Variants in SULT2A1 observed in about 807,000 individuals in gnomAD.
SULT2A1 encodes sulfotransferase family 2A member 1, also known as sulfotransferase 2A1.
In SULT2A1, 43 loss-of-function variants were observed where a neutral mutation model predicts 33.9. The ratio of observed to expected loss-of-function variants is 1.27; its 90% CI spans 1.00 to 1.64. The LOEUF is 1.64. SULT2A1 is among the 40% of genes most tolerant of loss of function. SULT2A1 has a pLI of 0.00. For missense variants in SULT2A1, 300 were observed against 335.1 expected (o/e 0.90, Z 0.82); for synonymous variants, 125 against 113.6 (o/e 1.10, Z -0.64).
rs377180978 is a variant in SULT2A1, at chr19:47,874,754, C to G, written c.648G>C (p.Lys216Asn). 3 of 1,614,038 alleles carry G rather than the reference C, an allele frequency of 1.9e-6. No homozygotes were observed. In the African/African-American group the frequency reaches 4.0e-5, roughly 22 times the overall value. The stretch of plus-strand genomic sequence containing the variant: ...CTTTCATGCTCTGAAAGGAGCTGTT[C>G]TTGAGAATTAAGTTCAGTTCTTCGG... ...LEPEELNLIL[K>N]NSSFQSMKEN... The change falls in exon 5 of 6, where the codon AAG (lysine) becomes AAC (asparagine). Residue 216 changes from lysine (K) to asparagine (N), a missense_variant. Lys to Asn is a moderately conservative substitution (Grantham distance 94). Transcript: ENST00000222002.
chr19:47,873,782 C>T (rs994302012), intron 5 of SULT2A1, among the ~76,000 whole-genome samples: 2 of 151,814 alleles, frequency 1.3e-5, no homozygotes, highest in Non-Finnish European at 2.9e-5. Flanking sequence ...CGCCACCATG[C>T]CCGGCTAATT....
At chr19:47,873,800 T>C (rs1193549957) in intron 5 of SULT2A1, among the ~76,000 whole-genome samples, 1 of 151,706 alleles carries the variant, frequency 6.6e-6, no homozygotes, top group Non-Finnish European at 1.5e-5. Flanking sequence ...ATTTTTTGTA[T>C]TTTTAGTGGA....
At chr19:47,884,804 CTTTTT>C (rs71181611) in intron 1 of SULT2A1, among the ~76,000 whole-genome samples, 12 of 64,034 alleles carry the variant, frequency 1.9e-4, no homozygotes, top group African/African-American at 6.1e-4. Flanking sequence ...CTCTCAACCA[CTTTTT>C]TTTTTTTTTT....
Position 47,882,104 on chromosome 19 carries a change from T to C in SULT2A1, c.452A>G (p.Glu151Gly). 1 of 1,613,748 alleles carries C rather than the reference T, an allele frequency of 6.2e-7. No homozygotes were observed. The highest frequency in any genetic ancestry group is 8.5e-7 in the Non-Finnish European group (1 of 1,179,916). ...CTCACCAGTTCCTTGACAAAACCAT[T>C]CAAAATATTCTTCCCATGACTTTGG... ...KKPKSWEEYF[E>G]WFCQGTVLYG... Residue 151 changes from glutamate to glycine, a missense_variant, in exon 3 of 6, where the codon GAA becomes GGA. By Grantham distance (98) the Glu-to-Gly change is moderately conservative. Coordinates refer to ENST00000222002, the MANE Select transcript of SULT2A1 (RefSeq NM_003167.4).
intron 4 of SULT2A1, among the ~76,000 whole-genome samples, chr19:47,877,213 TATGTGAGATATC>T (rs138641910): frequency 0.23 from 35,486 of 151,594 alleles, 4,365 homozygotes; most frequent in Non-Finnish European, 0.27. Context: ...TTTTCTCTTT[TATGTGAGATATC>T]ACTAATAGGT....
chr19:47,883,909 T>C, intron 1 of SULT2A1, 124 bp from the exon 2 acceptor site: 1 of 837,964 alleles, frequency 1.2e-6, no homozygotes, highest in Non-Finnish European at 1.8e-6. Context: ...GGTTCCAGAA[T>C]AGCCTGGCCA....
chr19:47,872,378 C>T (rs1968501175), intron 5 of SULT2A1, among the ~76,000 whole-genome samples: 1 of 152,086 alleles, frequency 6.6e-6, no homozygotes, highest in South Asian at 2.1e-4. Context: ...GTGATCCAGC[C>T]CCTGTGGCTT....
intron 3 of SULT2A1, among the ~76,000 whole-genome samples, chr19:47,881,202 A>G (rs1600038152): frequency 6.7e-6 from 1 of 150,338 alleles, no homozygotes; most frequent in East Asian, 2.0e-4. Flanking sequence ...CGGCCAGCTA[A>G]TTTTTCTGTA....
chr19:47,878,917 C>A, intron 4 of SULT2A1, 119 bp downstream of exon 4: 1 of 743,530 alleles, frequency 1.3e-6, no homozygotes. Context: ...TGTGACTCTT[C>A]ACCAGGCTCC....
At chr19:47,875,649 A>G (rs1286560072) in intron 4 of SULT2A1, among the ~76,000 whole-genome samples, 1 of 152,114 alleles carries the variant, frequency 6.6e-6, no homozygotes, top group African/African-American at 2.4e-5. Flanking sequence ...AAAACAAAAC[A>G]AAGCAAAACA....
At chr19:47,883,816 T>C in intron 1 of SULT2A1, 31 bp from the exon 2 acceptor site, 1 of 1,603,000 alleles carries the variant, frequency 6.2e-7, no homozygotes, top group Non-Finnish European at 8.5e-7. Flanking sequence ...ATATATAAAA[T>C]GTACCATCTC....
In SULT2A1 at chr19:47,871,552, C is replaced by T. The variant is rs1186426230; in HGVS notation, c.761G>A (p.Trp254Ter). ...QLLRKGVSGD[W>*]KNHFTVAQAE... ...TTGGGCCACTGTGAAGTGATTTTTCCAGTCCCCAGATACACCTGGAAACAA... is the reference window on the plus strand; with the variant it reads ...TTGGGCCACTGTGAAGTGATTTTTCTAGTCCCCAGATACACCTGGAAACAA... Residue 254 changes from tryptophan (W) to a stop codon, truncating the protein, a stop_gained, in exon 6 of 6, where the codon TGG becomes TAG. Transcript: ENST00000222002. LOFTEE classifies it low-confidence loss of function (END_TRUNC). The T allele has an allele frequency of 6.2e-7, 1 of 1,613,684 alleles. No individual in the cohort carries two copies. Among genetic ancestry groups the T allele is most frequent in the African/African-American group, 1.3e-5 (1 of 74,862 alleles).
In SULT2A1 at chr19:47,871,382, C is replaced by T; in HGVS notation, c.*73G>A. 1 of 1,093,408 alleles carries T rather than the reference C, an allele frequency of 9.1e-7. No homozygotes were observed. The highest frequency in any genetic ancestry group is 2.4e-5 in the East Asian group (1 of 42,372). The allele number at this position is 1,093,408 out of a possible 1,614,324, so 67.7% of individuals were successfully genotyped here. Reference sequence around the variant, plus strand: ...AAAATAATAAGTCTTACACAATGACCCCAGTCAGGTACATGTACAAGGACA... The same window carrying T: ...AAAATAATAAGTCTTACACAATGACTCCAGTCAGGTACATGTACAAGGACA... On this transcript the variant is annotated 3_prime_UTR_variant, in exon 6 of 6. Transcript: ENST00000222002.
At chr19:47,885,668 A>G (rs2122159609) in intron 1 of SULT2A1, among the ~76,000 whole-genome samples, 1 of 152,210 alleles carries the variant, frequency 6.6e-6, no homozygotes, top group South Asian at 2.1e-4. Flanking sequence ...CCAGAGACAT[A>G]TGATCCTCAT....
chr19:47,880,985 T>G (rs1968597957), intron 3 of SULT2A1, among the ~76,000 whole-genome samples: 1 of 152,142 alleles, frequency 6.6e-6, no homozygotes, highest in Non-Finnish European at 1.5e-5. Flanking sequence ...CTCATGCTAG[T>G]CTTTGCATGA....
intron 4 of SULT2A1, among the ~76,000 whole-genome samples, chr19:47,876,546 G>C (rs1000823724): frequency 6.6e-6 from 1 of 152,024 alleles, no homozygotes; most frequent in African/African-American, 2.4e-5. Context: ...GTTACAAAGG[G>C]CTTCTTAACA....
chr19:47,878,505 ATTTT>A (rs34027366), intron 4 of SULT2A1, among the ~76,000 whole-genome samples: 29,256 of 111,526 alleles, frequency 0.26, 3,365 homozygotes, highest in African/African-American at 0.3. Flanking sequence ...ACCTCTCTAG[ATTTT>A]TTTTTTTTTT....
chr19:47,877,859 T>A (rs1046326675), intron 4 of SULT2A1, among the ~76,000 whole-genome samples: 1 of 152,152 alleles, frequency 6.6e-6, no homozygotes, highest in Non-Finnish European at 1.5e-5. Context: ...CTCAAGTTGT[T>A]CTTTCAATAC....
intron 5 of SULT2A1, among the ~76,000 whole-genome samples, chr19:47,873,817 GT>G (rs1968516620): frequency 6.6e-6 from 1 of 150,820 alleles, no homozygotes; most frequent in Non-Finnish European, 1.5e-5. Context: ...TGGAGATGGG[GT>G]TTCACCATGT....
Sources: allele counts gnomAD v4.1 joint callset (sites outside exome capture counted in the v4.1 genomes callset), GRCh38; gene constraint gnomAD v4.1.1; transcripts MANE v1.5; gene names NCBI Gene and HGNC (gene_info 2026-07-23, HGNC 2026-07-21).